Variants in TRPC5 observed in about 807,000 individuals in gnomAD.
TRPC5 encodes transient receptor potential cation channel subfamily C member 5.
Under a neutral mutation model 56.5 loss-of-function variants are expected in TRPC5, and 9 were observed. The observed-to-expected ratio is 0.16, with a 90% CI of 0.10 to 0.28. TRPC5 has a LOEUF of 0.28. Ranked by LOEUF, TRPC5 falls within the 10% of genes least tolerant of loss-of-function variation. TRPC5 has a pLI of 1.00. For synonymous variants in TRPC5, 282 were observed against 278.5 expected (o/e 1.01, Z -0.13); for missense variants, 469 against 748.9 (o/e 0.63, Z 4.36).
intron 2 of TRPC5, among the ~76,000 whole-genome samples, chrX:111,918,808 C>T (rs1032146214): frequency 9.0e-6 from 1 of 111,239 alleles, no homozygotes; most frequent in Non-Finnish European, 1.9e-5. Context: ...CACAGTGGAG[C>T]AGTGCTGAAT....
At chrX:111,857,914 A>C (rs1923286010) in intron 3 of TRPC5, among the ~76,000 whole-genome samples, 1 of 112,534 alleles carries the variant, frequency 8.9e-6, no homozygotes, top group Non-Finnish European at 1.9e-5. Flanking sequence ...GCTAAGGCAC[A>C]AATGCAGAAG....
At chrX:111,865,568 T>G (rs948560243) in intron 3 of TRPC5, among the ~76,000 whole-genome samples, 2 of 109,499 alleles carry the variant, frequency 1.8e-5, no homozygotes, top group African/African-American at 6.7e-5. Flanking sequence ...CCTCGTGATC[T>G]GCCCACCTTG....
At chrX:111,918,258 G>A (rs904332652) in intron 2 of TRPC5, among the ~76,000 whole-genome samples, 4 of 111,630 alleles carry the variant, frequency 3.6e-5, no homozygotes, top group Non-Finnish European at 7.5e-5. Flanking sequence ...TATTGAAGAG[G>A]GCTGGAAGCT....
intron 3 of TRPC5, chrX:111,896,211 GC>G (rs1925052945): frequency 9.0e-6 from 1 of 111,023 alleles, no homozygotes; most frequent in Non-Finnish European, 1.9e-5. Flanking sequence ...GAGTCCTTCT[GC>G]CTTACAGCCA....
At chrX:111,910,437 A>G (rs1224473792) in intron 3 of TRPC5, among the ~76,000 whole-genome samples, 1 of 112,215 alleles carries the variant, frequency 8.9e-6, no homozygotes, top group Non-Finnish European at 1.9e-5. Context: ...ATGGGCCTTT[A>G]CTATATCTAT....
intron 2 of TRPC5, among the ~76,000 whole-genome samples, chrX:111,946,760 T>C (rs1490407530): frequency 1.8e-5 from 2 of 112,418 alleles, no homozygotes; most frequent in East Asian, 5.5e-4. Context: ...ATGGAAACCA[T>C]TGAACATGAG....
chrX:112,063,635 C>A (rs1461447077), intron 1 of TRPC5, among the ~76,000 whole-genome samples: 1 of 111,955 alleles, frequency 8.9e-6, no homozygotes, highest in African/African-American at 3.3e-5. Flanking sequence ...CCTTTCCTCA[C>A]AGGGGACTGG....
At chrX:111,786,210 G>T (rs973936963) in intron 7 of TRPC5, among the ~76,000 whole-genome samples, 1 of 111,468 alleles carries the variant, frequency 9.0e-6, no homozygotes, top group South Asian at 3.8e-4. Flanking sequence ...GACTAACAAC[G>T]GACCTCTCGG....
In TRPC5 at chrX:111,915,225, T is replaced by C. The variant is rs192050706; in HGVS notation, c.379-2413A>G. On this transcript the variant is annotated intron_variant, in intron 2 of 10. Coordinates refer to ENST00000262839, the MANE Select transcript of TRPC5 (RefSeq NM_012471.3). ...CTTGTATGATAGAGCCAAAAGGTTG[T>C]TGTTGTCTATGCCTAGAATATGAAA... is the stretch of plus-strand genomic sequence containing the variant. 9.8e-3 allele frequency among the ~76,000 whole-genome samples: 1,097 copies of C among 112,310 alleles called. 5 individuals are homozygous for C. Among genetic ancestry groups the C allele is most frequent in the Non-Finnish European group, 0.015 (813 of 53,269 alleles).
At chrX:111,918,471 G>T (rs750670712) in intron 2 of TRPC5, among the ~76,000 whole-genome samples, 3 of 110,807 alleles carry the variant, frequency 2.7e-5, no homozygotes, top group Non-Finnish European at 3.8e-5. Context: ...ATTAGCAGCT[G>T]TAAATTTATA....
chrX:111,897,711 G>A, intron 3 of TRPC5, among the ~76,000 whole-genome samples: 1 of 111,398 alleles, frequency 9.0e-6, no homozygotes, highest in Non-Finnish European at 1.9e-5. Context: ...CCTCTCAGTA[G>A]TGCCTTTCTT....
At chrX:111,805,815 G>A (rs1921488977) in intron 7 of TRPC5, among the ~76,000 whole-genome samples, 1 of 110,590 alleles carries the variant, frequency 9.0e-6, no homozygotes, top group African/African-American at 3.3e-5. Flanking sequence ...TGGGACTACA[G>A]GCGCATACCA....
At chrX:112,043,792 C>T (rs1602409216) in intron 1 of TRPC5, among the ~76,000 whole-genome samples, 1 of 110,598 alleles carries the variant, frequency 9.0e-6, no homozygotes, top group South Asian at 3.8e-4. Context: ...AGTAAAAGAT[C>T]CCATGGCTCT....
intron 1 of TRPC5, among the ~76,000 whole-genome samples, chrX:111,975,927 A>C (rs957719152): frequency 9.0e-6 from 1 of 111,226 alleles, no homozygotes; most frequent in Non-Finnish European, 1.9e-5. Context: ...AAACAACAAC[A>C]ACAACAAAAA....
rs745810633 is a variant in TRPC5 at position 111,770,746 on chromosome X, C to T, written c.*5567G>A. On this transcript the variant is annotated 3_prime_UTR_variant, in exon 11 of 11. Coordinates refer to ENST00000262839, the MANE Select transcript of TRPC5 (RefSeq NM_012471.3). The stretch of plus-strand genomic sequence containing the variant: ...GAGTTGTGTAAGAGCGGAGAACTGT[C>T]AAGAGGGTTCCTAGGTTGGAAGGCA... Among the ~76,000 whole-genome samples the T allele has an allele frequency of 9.0e-6, 1 of 111,609 alleles. No individual in the cohort carries two copies. The highest frequency in any genetic ancestry group is 1.9e-5 in the Non-Finnish European group (1 of 53,132).
chrX:112,082,211 G>A lies in TRPC5; in HGVS notation c.-354C>T, dbSNP rs891139361. ...TTTGCTCTACCAATGTCCCTACCCTGTTCTCCCAGCTCTCTAACCCAACCT... is the reference window on the plus strand; with the variant it reads ...TTTGCTCTACCAATGTCCCTACCCTATTCTCCCAGCTCTCTAACCCAACCT... On this transcript the variant is annotated 5_prime_UTR_variant, in exon 1 of 11. Coordinates refer to ENST00000262839, the MANE Select transcript of TRPC5 (RefSeq NM_012471.3). 1 of 111,492 alleles carries A rather than the reference G, an allele frequency of 9.0e-6. No individual in the cohort carries two copies. The highest frequency in any genetic ancestry group is 1.9e-5 in the Non-Finnish European group (1 of 53,325). The allele number at this position is 111,492 out of a possible 1,213,427, so 9.2% of individuals were successfully genotyped here.
Position 112,013,772 on chromosome X carries a change from CATT to C in TRPC5, c.-21-61334_-21-61332del, listed in dbSNP as rs770497311. On this transcript the variant is annotated intron_variant, in intron 1 of 10. Coordinates refer to ENST00000262839, the MANE Select transcript of TRPC5 (RefSeq NM_012471.3). The stretch of plus-strand genomic sequence containing the variant: ...TCTTTGTAGGGTCACACTACAAGCA[CATT>C]ATATGATTTGGAGCCTCAGTCTCTA... 7.2e-5 allele frequency among the ~76,000 whole-genome samples: 8 copies of C among 111,743 alleles called. No individual in the cohort carries two copies. The South Asian group carries it at 3.0e-3, about 42-fold the overall frequency.
At chrX:112,064,209 G>A (rs1297667435) in intron 1 of TRPC5, among the ~76,000 whole-genome samples, 3 of 111,755 alleles carry the variant, frequency 2.7e-5, no homozygotes, top group African/African-American at 9.8e-5. Flanking sequence ...ATTTTAAAAA[G>A]CATTTTAATA....
chrX:112,010,834 T>C (rs958864478), intron 1 of TRPC5, among the ~76,000 whole-genome samples: 15 of 111,673 alleles, frequency 1.3e-4, no homozygotes, highest in African/African-American at 4.2e-4. Context: ...GATATGTGTG[T>C]AGTGGCTAGA....
Sources: allele counts gnomAD v4.1 joint callset (sites outside exome capture counted in the v4.1 genomes callset), GRCh38; gene constraint gnomAD v4.1.1; transcripts MANE v1.5; gene names NCBI Gene and HGNC (gene_info 2026-07-23, HGNC 2026-07-21).